Variants in SH2D4B observed in about 807,000 individuals in gnomAD.
SH2D4B encodes SH2 domain containing 4B, also known as SH2 domain-containing protein 4B.
Under a neutral mutation model 61.5 loss-of-function variants are expected in SH2D4B, and 45 were observed. The ratio of observed to expected loss-of-function variants is 0.73; its 90% CI spans 0.58 to 0.94. The LOEUF is 0.94. SH2D4B is among the 40% of genes least tolerant of loss of function. SH2D4B has a pLI of 0.00. For missense variants in SH2D4B, 572 were observed against 574.2 expected (o/e 1.00, Z 0.04); for synonymous variants, 224 against 220.4 (o/e 1.02, Z -0.14).
intron 1 of SH2D4B, among the ~76,000 whole-genome samples, chr10:80,569,788 G>A (rs1044444288): frequency 1.3e-5 from 2 of 152,166 alleles, no homozygotes; most frequent in African/African-American, 4.8e-5. Context: ...GCCTATGTGC[G>A]GAGGTAAGCA....
At chr10:80,543,413 T>G (rs867552720) in intron 1 of SH2D4B, among the ~76,000 whole-genome samples, 1 of 152,136 alleles carries the variant, frequency 6.6e-6, no homozygotes, top group African/African-American at 2.4e-5. Flanking sequence ...GCAGCTGCTG[T>G]GCTCAATTTC....
chr10:80,548,231 C>T (rs1841707568), intron 1 of SH2D4B, among the ~76,000 whole-genome samples: 1 of 152,198 alleles, frequency 6.6e-6, no homozygotes, highest in African/African-American at 2.4e-5. Flanking sequence ...CTGATGTGAT[C>T]TCAGCTCACT....
chr10:80,562,036 C>A (rs546057002), intron 1 of SH2D4B, among the ~76,000 whole-genome samples: 1 of 148,044 alleles, frequency 6.8e-6, no homozygotes, highest in African/African-American at 2.6e-5. Flanking sequence ...ATTACACACA[C>A]ACACACACAC....
At chr10:80,598,597 A>C (rs1368534300) in intron 4 of SH2D4B, among the ~76,000 whole-genome samples, 1 of 152,192 alleles carries the variant, frequency 6.6e-6, no homozygotes, top group African/African-American at 2.4e-5. Context: ...TCTATGGGGG[A>C]GCAGCAGTTT....
At chr10:80,581,384 A>G (rs1842182771) in intron 3 of SH2D4B, among the ~76,000 whole-genome samples, 1 of 152,172 alleles carries the variant, frequency 6.6e-6, no homozygotes, top group Non-Finnish European at 1.5e-5. Flanking sequence ...TATGGGCTGA[A>G]TTATGTCCCT....
intron 5 of SH2D4B, among the ~76,000 whole-genome samples, chr10:80,605,036 G>A (rs145130245): frequency 0.013 from 1,916 of 152,156 alleles, 42 homozygotes; most frequent in African/African-American, 0.044. Context: ...CTTGTGATCT[G>A]CCCACCTCGG....
chr10:80,580,504 GA>G (rs1842175247), intron 3 of SH2D4B, among the ~76,000 whole-genome samples: 1 of 152,154 alleles, frequency 6.6e-6, no homozygotes, highest in African/African-American at 2.4e-5. Context: ...GCTGTTGGTT[GA>G]TATCAGTCTT....
chr10:80,571,268 T>C (rs1474671117), intron 2 of SH2D4B, among the ~76,000 whole-genome samples, 163 bp from the exon 3 acceptor site: 1 of 152,216 alleles, frequency 6.6e-6, no homozygotes, highest in African/African-American at 2.4e-5. Context: ...ATTGTGCCGA[T>C]TTACACTCCC....
intron 1 of SH2D4B, among the ~76,000 whole-genome samples, chr10:80,541,362 G>T (rs992403004): frequency 6.6e-6 from 1 of 152,150 alleles, no homozygotes; most frequent in African/African-American, 2.4e-5. Context: ...GTTTTTCCAT[G>T]CTCCTGTGAC....
At chr10:80,623,158 G>T (rs752369656) in intron 6 of SH2D4B, among the ~76,000 whole-genome samples, 1 of 152,106 alleles carries the variant, frequency 6.6e-6, no homozygotes, top group Non-Finnish European at 1.5e-5. Flanking sequence ...CCGGCAATCC[G>T]CCTGCCTCGG....
At chr10:80,582,065 C>T (rs1294061062) in intron 3 of SH2D4B, among the ~76,000 whole-genome samples, 1 of 152,174 alleles carries the variant, frequency 6.6e-6, no homozygotes, top group Non-Finnish European at 1.5e-5. Context: ...TTCCTTATGA[C>T]CCACTCTCTA....
intron 1 of SH2D4B, among the ~76,000 whole-genome samples, chr10:80,551,737 C>A (rs1436739119): frequency 6.6e-6 from 1 of 152,234 alleles, no homozygotes; most frequent in South Asian, 2.1e-4. Flanking sequence ...GTGAGACACA[C>A]AGCGGGACTG....
intron 1 of SH2D4B, among the ~76,000 whole-genome samples, chr10:80,557,294 T>C (rs1198335768): frequency 6.6e-6 from 1 of 152,162 alleles, no homozygotes; most frequent in Non-Finnish European, 1.5e-5. Flanking sequence ...TGCTAATACT[T>C]TATTAAGATT....
intron 1 of SH2D4B, among the ~76,000 whole-genome samples, chr10:80,548,654 A>G (rs2132104895): frequency 6.6e-6 from 1 of 152,310 alleles, no homozygotes; most frequent in Non-Finnish European, 1.5e-5. Context: ...AACAAGGGGG[A>G]CAGCTTCTGC....
At chr10:80,641,169 C>T (rs953012213) in intron 7 of SH2D4B, among the ~76,000 whole-genome samples, 2 of 152,206 alleles carry the variant, frequency 1.3e-5, no homozygotes, top group African/African-American at 4.8e-5. Context: ...CTCGAAGTTT[C>T]ATCCCAGAGG....
chr10:80,635,605 T>A (rs1842888658), intron 7 of SH2D4B, among the ~76,000 whole-genome samples: 2 of 152,180 alleles, frequency 1.3e-5, no homozygotes, highest in African/African-American at 4.8e-5. Context: ...GCCTGGAAAC[T>A]GGACTAACCA....
chr10:80,638,468 G>A lies in SH2D4B; in HGVS notation c.1209+3963G>A, dbSNP rs1303827719. Among the ~76,000 whole-genome samples the A allele has an allele frequency of 2.0e-5, 3 of 152,286 alleles. No homozygotes were observed. In the East Asian group the frequency reaches 5.8e-4, roughly 29 times the overall value. On this transcript the variant is annotated intron_variant, in intron 7 of 7. Transcript: ENST00000646907. ...AATTATTGCCTCAATTTCAGAGCCT[G>A]TTATTGGTCTATTCAGTGATTCAAC...
At chr10:80,634,216 G>A (rs906946799) in intron 6 of SH2D4B, 69 bp from the exon 7 acceptor site, 7 of 1,467,820 alleles carry the variant, frequency 4.8e-6, no homozygotes, top group Non-Finnish European at 6.3e-6. Flanking sequence ...GCAGGGAGGA[G>A]TGGAGAATCG....
At chr10:80,583,267 G>A (rs1842204188) in intron 3 of SH2D4B, among the ~76,000 whole-genome samples, 1 of 150,022 alleles carries the variant, frequency 6.7e-6, no homozygotes, top group South Asian at 2.1e-4. Flanking sequence ...AACAACCAAA[G>A]AATAAGAATG....
Sources: allele counts gnomAD v4.1 joint callset (sites outside exome capture counted in the v4.1 genomes callset), GRCh38; gene constraint gnomAD v4.1.1; transcripts MANE v1.5; gene names NCBI Gene and HGNC (gene_info 2026-07-23, HGNC 2026-07-21).